MTREX: variants seen among roughly 807,000 people sequenced by gnomAD.
MTREX encodes Mtr4 exosome RNA helicase, also known as exosome RNA helicase MTR4.
Under a neutral mutation model 135.4 loss-of-function variants are expected in MTREX, and 76 were observed. The ratio of observed to expected loss-of-function variants is 0.56; its 90% CI spans 0.47 to 0.68. The LOEUF (loss-of-function observed/expected upper bound fraction) is 0.68, where lower values mean the gene tolerates loss of function less well. MTREX is among the 30% of genes least tolerant of loss of function. The probability of loss-of-function intolerance (pLI) is 0.00; values close to 1 mark genes in which losing one functional copy is unlikely to be tolerated. For missense variants in MTREX, 920 were observed against 1,262.1 expected (o/e 0.73, Z 4.11); for synonymous variants, 404 against 401.6 (o/e 1.01, Z -0.07).
At chr5:55,385,657 T>C (rs1750466403) in intron 18 of MTREX, among the ~76,000 whole-genome samples, 1 of 152,190 alleles carries the variant, frequency 6.6e-6, no homozygotes, top group South Asian at 2.1e-4. Context: ...TTTGATATAT[T>C]CTCTTAGGAC....
intron 12 of MTREX, among the ~76,000 whole-genome samples, chr5:55,350,314 A>G (rs931949313): frequency 6.6e-6 from 1 of 152,196 alleles, no homozygotes; most frequent in Non-Finnish European, 1.5e-5. Flanking sequence ...GATTTTCCAT[A>G]AGACTGTGAT....
At position 55,333,604 on chromosome 5, in the gene MTREX, G is replaced by A. The variant is rs147550757; in HGVS notation, c.515+4793G>A. Among the ~76,000 whole-genome samples, 371 of 152,156 alleles carry A rather than the reference G, an allele frequency of 2.4e-3. 1 individual carries two copies. The highest frequency in any genetic ancestry group is 8.3e-3 in the African/African-American group (344 of 41,516). On this transcript the variant is annotated intron_variant, in intron 5 of 26. Transcript: ENST00000230640. ...GCTCTAAAACTTGGGCTAGGAAGTC[G>A]TAAAGGGAATTTAAGAAATTCACCA...
At chr5:55,356,841 C>A in intron 14 of MTREX, 1 of 157,772 alleles carries the variant, frequency 6.3e-6, no homozygotes. Flanking sequence ...AGGCACTGAC[C>A]AGATTGAAGT....
chr5:55,341,601 GT>G, intron 6 of MTREX, 79 bp from the exon 7 acceptor site: 1 of 636,622 alleles, frequency 1.6e-6, no homozygotes, highest in Non-Finnish European at 2.7e-6. Context: ...AAAATTCCTT[GT>G]TGGAAAAAAC....
chr5:55,400,174 G>C, intron 20 of MTREX, 59 bp from the exon 21 acceptor site: 2 of 1,275,542 alleles, frequency 1.6e-6, no homozygotes, highest in South Asian at 1.7e-5. Flanking sequence ...ACACTGATTT[G>C]GTTTGGTCTT....
At chr5:55,402,838 G>GTGTA (rs769020691) in intron 21 of MTREX, among the ~76,000 whole-genome samples, 17 of 88,310 alleles carry the variant, frequency 1.9e-4, no homozygotes, top group Non-Finnish European at 2.9e-4. Context: ...GTGTGTGTGT[G>GTGTA]TGTATGTGTA....
intron 14 of MTREX, among the ~76,000 whole-genome samples, chr5:55,357,817 C>T (rs1295596421): frequency 6.6e-6 from 1 of 152,098 alleles, no homozygotes; most frequent in African/African-American, 2.4e-5. Flanking sequence ...TCAGTGGTGC[C>T]CTGAAAGCCT....
At chr5:55,308,748 T>C (rs950022383) in intron 1 of MTREX, among the ~76,000 whole-genome samples, 4 of 152,196 alleles carry the variant, frequency 2.6e-5, no homozygotes, top group African/African-American at 9.7e-5. Context: ...TACTGGACCC[T>C]ACCCATATGT....
chr5:55,314,328 A>G, intron 1 of MTREX, among the ~76,000 whole-genome samples: 1 of 152,228 alleles, frequency 6.6e-6, no homozygotes, highest in South Asian at 2.1e-4. Flanking sequence ...TTGTTAGGTT[A>G]CTTGGCAAAG....
intron 10 of MTREX, among the ~76,000 whole-genome samples, chr5:55,346,765 C>G (rs181099144): frequency 6.6e-6 from 1 of 152,144 alleles, no homozygotes; most frequent in Non-Finnish European, 1.5e-5. Context: ...TTGAGGTTGT[C>G]TTTTTACTTT....
intron 1 of MTREX, among the ~76,000 whole-genome samples, chr5:55,316,371 G>A (rs1344925315): frequency 6.6e-6 from 1 of 152,126 alleles, no homozygotes; most frequent in African/African-American, 2.4e-5. Flanking sequence ...GAACATCAAT[G>A]CAAAAATCCT....
At chr5:55,331,601 C>T (rs1288077051) in intron 5 of MTREX, among the ~76,000 whole-genome samples, 2 of 152,170 alleles carry the variant, frequency 1.3e-5, no homozygotes, top group Admixed American at 6.5e-5. Flanking sequence ...GACTTATTCA[C>T]GGATCATTAC....
chr5:55,389,941 G>C (rs1750539502), intron 19 of MTREX, among the ~76,000 whole-genome samples: 1 of 152,100 alleles, frequency 6.6e-6, no homozygotes. Flanking sequence ...GGAAATATTA[G>C]CTCTCAACTT....
intron 18 of MTREX, among the ~76,000 whole-genome samples, chr5:55,380,852 A>AT (rs200979123): frequency 0.014 from 2,083 of 152,156 alleles, 47 homozygotes; most frequent in African/African-American, 0.047. Flanking sequence ...CTTTTCTTCC[A>AT]TTTTTTGGAA....
intron 1 of MTREX, among the ~76,000 whole-genome samples, chr5:55,317,448 A>T (rs1749217057): frequency 1.3e-5 from 2 of 152,228 alleles, no homozygotes; most frequent in East Asian, 3.8e-4. Flanking sequence ...GAACAATGGA[A>T]CAGAGTAGAG....
chr5:55,421,266 A>T (rs1207993786), intron 25 of MTREX, among the ~76,000 whole-genome samples: 2 of 152,174 alleles, frequency 1.3e-5, no homozygotes, highest in Non-Finnish European at 2.9e-5. Context: ...ACAATTCACT[A>T]CTTAATCGTC....
At chr5:55,352,041 G>GTTTTGT (rs756752881) in intron 13 of MTREX, among the ~76,000 whole-genome samples, 10 of 150,554 alleles carry the variant, frequency 6.6e-5, no homozygotes, top group African/African-American at 1.7e-4. Context: ...GTTTTGTTTT[G>GTTTTGT]TTTTGTTTTT....
At chr5:55,370,887 A>G (rs908231062) in intron 16 of MTREX, among the ~76,000 whole-genome samples, 10 of 152,128 alleles carry the variant, frequency 6.6e-5, no homozygotes, top group Admixed American at 4.6e-4. Flanking sequence ...AATGTGGGCT[A>G]TTGTCTTTGG....
At chr5:55,376,200 C>G (rs1750298286) in intron 16 of MTREX, among the ~76,000 whole-genome samples, 1 of 152,156 alleles carries the variant, frequency 6.6e-6, no homozygotes. Flanking sequence ...TAGTTATGTC[C>G]AATGATAAAT....
Sources: gnomAD v4.1 joint callset for allele counts (sites outside exome capture counted in the v4.1 genomes callset) on GRCh38, gnomAD v4.1.1 for gene constraint, MANE v1.5 for transcripts, NCBI Gene and HGNC (gene_info 2026-07-23, HGNC 2026-07-21) for gene names.